Variants in SPDYE14 observed in about 807,000 individuals in gnomAD.
SPDYE14 encodes speedy/RINGO cell cycle regulator family member E14, also known as speedy protein E14.
chr7:75,275,104 G>T, the SPDYE14 span, among the ~76,000 whole-genome samples: 19 of 55,922 alleles, frequency 3.4e-4, 6 homozygotes, highest in East Asian at 9.6e-4. Flanking sequence ...GGAGGGAGGT[G>T]GGGGGGTCAG....
the SPDYE14 span, among the ~76,000 whole-genome samples, chr7:75,271,662 C>G: frequency 3.6e-5 from 2 of 55,104 alleles, 1 homozygote; most frequent in Non-Finnish European, 9.3e-5. Flanking sequence ...GAAACCCCGT[C>G]TCTACTAAAA....
chr7:75,247,574 A>G, the SPDYE14 span, among the ~76,000 whole-genome samples: 39 of 64,474 alleles, frequency 6.0e-4, no homozygotes, highest in African/African-American at 1.3e-3. Context: ...CATTATATTA[A>G]CTCATTAATT....
the SPDYE14 span, among the ~76,000 whole-genome samples, chr7:75,253,980 G>A: frequency 1.3e-5 from 1 of 76,346 alleles, no homozygotes; most frequent in African/African-American, 2.9e-5. Context: ...AGCACTTTGG[G>A]AGGGTGAGGT....
chr7:75,261,072 C>T, the SPDYE14 span, among the ~76,000 whole-genome samples: 1 of 87,720 alleles, frequency 1.1e-5, no homozygotes, highest in African/African-American at 2.8e-5. Context: ...TTGCAGTGAG[C>T]CGAGATCGCA....
chr7:75,272,801 A>G, the SPDYE14 span, among the ~76,000 whole-genome samples: 6 of 54,578 alleles, frequency 1.1e-4, no homozygotes, highest in African/African-American at 2.2e-4. Flanking sequence ...CAGGAGAATC[A>G]TTTGAACCTG....
At chr7:75,264,612 A>G in the SPDYE14 span, among the ~76,000 whole-genome samples, 2 of 45,244 alleles carry the variant, frequency 4.4e-5, no homozygotes, top group Admixed American at 3.6e-4. Context: ...GTTGGTGAAC[A>G]TTTACTTTGT....
chr7:75,262,056 A>G, the SPDYE14 span, among the ~76,000 whole-genome samples: 3 of 39,816 alleles, frequency 7.5e-5, no homozygotes, highest in African/African-American at 1.4e-4. Context: ...TAAAAATACA[A>G]AAATTATCCA....
At chr7:75,249,578 TTTCCTTCCTTCCTTCCTTCCTTCCTTCC>T in the SPDYE14 span, among the ~76,000 whole-genome samples, 9 of 60,300 alleles carry the variant, frequency 1.5e-4, no homozygotes, top group African/African-American at 5.0e-4. Context: ...TCCTTCCTTC[TTTCCTTCCTTCCTTCCTTCCTTCCTTCC>T]TTCCTTCCTT....
At chr7:75,268,738 A>G in the SPDYE14 span, among the ~76,000 whole-genome samples, 30 of 66,104 alleles carry the variant, frequency 4.5e-4, 2 homozygotes, top group African/African-American at 1.2e-3. Flanking sequence ...AAACAAAAAA[A>G]CCCCACAAAA....
At chr7:75,260,140 T>G in the SPDYE14 span, among the ~76,000 whole-genome samples, 1 of 40,010 alleles carries the variant, frequency 2.5e-5, no homozygotes. Flanking sequence ...TGAGACAGGG[T>G]CTTGCCCTGT....
the SPDYE14 span, among the ~76,000 whole-genome samples, chr7:75,275,093 G>A: frequency 1.6e-5 from 1 of 60,844 alleles, no homozygotes; most frequent in African/African-American, 4.0e-5. Flanking sequence ...CGCCCCCTCC[G>A]GGAGGGAGGT....
At chr7:75,247,422 A>G in the SPDYE14 span, among the ~76,000 whole-genome samples, 2 of 58,344 alleles carry the variant, frequency 3.4e-5, no homozygotes, top group African/African-American at 7.2e-5. Context: ...AAGAAAGAAA[A>G]GATGAAAGAG....
chr7:75,254,132 C>T, the SPDYE14 span, among the ~76,000 whole-genome samples: 2 of 44,914 alleles, frequency 4.5e-5, no homozygotes, highest in Admixed American at 3.9e-4. Flanking sequence ...GCAGGAGAAT[C>T]GCTTGAACCT....
At chr7:75,245,428 G>GAAAAAAAA in the SPDYE14 span, among the ~76,000 whole-genome samples, 2 of 67,764 alleles carry the variant, frequency 3.0e-5, no homozygotes, top group African/African-American at 5.2e-5. Context: ...ATGTCTCAAA[G>GAAAAAAAA]AAAAAAAAAA....
chr7:75,272,907 G>GA, the SPDYE14 span, among the ~76,000 whole-genome samples: 2 of 48,370 alleles, frequency 4.1e-5, no homozygotes, highest in South Asian at 7.4e-4. Context: ...AACAAAAAAA[G>GA]AAAAAAAAAG....
chr7:75,267,728 T>TTTTATTTG, the SPDYE14 span, among the ~76,000 whole-genome samples: 2 of 112,608 alleles, frequency 1.8e-5, no homozygotes, highest in African/African-American at 6.2e-5. Flanking sequence ...GTCTGCATGA[T>TTTTATTTG]TTTATTTATT....
At chr7:75,247,509 A>C in the SPDYE14 span, among the ~76,000 whole-genome samples, 3 of 119,000 alleles carry the variant, frequency 2.5e-5, no homozygotes, top group East Asian at 2.0e-4. Flanking sequence ...AAGAAAGAGG[A>C]AAGAAAGAAA....
At chr7:75,261,385 G>A in the SPDYE14 span, among the ~76,000 whole-genome samples, 24 of 55,624 alleles carry the variant, frequency 4.3e-4, no homozygotes, top group African/African-American at 1.1e-3. Flanking sequence ...CTCAGTGGAA[G>A]CTTACCTTCT....
the SPDYE14 span, among the ~76,000 whole-genome samples, chr7:75,254,309 C>T: frequency 1.9e-4 from 6 of 31,684 alleles, no homozygotes; most frequent in African/African-American, 4.5e-4. Context: ...GAAGCCCTGA[C>T]CTGTCATTCA....
Sources: allele counts gnomAD v4.1 joint callset (sites outside exome capture counted in the v4.1 genomes callset), GRCh38; gene constraint gnomAD v4.1.1; transcripts MANE v1.5; gene names NCBI Gene and HGNC (gene_info 2026-07-23, HGNC 2026-07-21).